Variants in RAP1A observed in about 807,000 individuals in gnomAD.
RAP1A encodes RAP1A, member of RAS oncogene family, also known as ras-related protein Rap-1A.
RAP1A carries 6 observed loss-of-function variants against 26.4 expected under a neutral mutation model. The ratio of observed to expected loss-of-function variants is 0.23; its 90% CI spans 0.12 to 0.45. The LOEUF (loss-of-function observed/expected upper bound fraction) is 0.45, where lower values mean the gene tolerates loss of function less well. Ranked by LOEUF, RAP1A falls within the 20% of genes least tolerant of loss-of-function variation. The pLI is 0.99. For synonymous variants in RAP1A, 73 were observed against 79.4 expected (o/e 0.92, Z 0.43); for missense variants, 121 against 217.2 (o/e 0.56, Z 2.78).
chr1:111,667,241 C>T (rs1308480276), intron 1 of RAP1A, among the ~76,000 whole-genome samples: 7 of 152,098 alleles, frequency 4.6e-5, no homozygotes, highest in Non-Finnish European at 1.5e-5. Context: ...CCCTCCTCTC[C>T]TGTTTCTCCA....
At chr1:111,627,894 G>T (rs1282443389) in intron 1 of RAP1A, among the ~76,000 whole-genome samples, 1 of 151,134 alleles carries the variant, frequency 6.6e-6, no homozygotes, top group African/African-American at 2.4e-5. Flanking sequence ...AATTATTTCA[G>T]ATAGATGAGG....
chr1:111,549,370 T>C (rs2101033526), intron 1 of RAP1A, among the ~76,000 whole-genome samples: 1 of 150,062 alleles, frequency 6.7e-6, no homozygotes, highest in African/African-American at 2.5e-5. Flanking sequence ...ATGGTCGGGC[T>C]GGGCACGGTG....
intron 1 of RAP1A, among the ~76,000 whole-genome samples, chr1:111,590,460 T>C (rs1168395668): frequency 6.6e-6 from 1 of 152,246 alleles, no homozygotes; most frequent in Non-Finnish European, 1.5e-5. Flanking sequence ...TTTCCCTCTG[T>C]AATGATTAGC....
intron 1 of RAP1A, among the ~76,000 whole-genome samples, chr1:111,548,102 C>T (rs995945961): frequency 1.3e-5 from 2 of 152,226 alleles, no homozygotes; most frequent in African/African-American, 2.4e-5. Flanking sequence ...CTCACTGCAA[C>T]CTCCACCTCC....
At chr1:111,671,334 A>G (rs977087576) in intron 1 of RAP1A, among the ~76,000 whole-genome samples, 1 of 152,178 alleles carries the variant, frequency 6.6e-6, no homozygotes, top group Admixed American at 6.5e-5. Flanking sequence ...TTTAGAGTGG[A>G]TTGCCACAAA....
chr1:111,687,394 G>T (rs898355776), intron 1 of RAP1A, among the ~76,000 whole-genome samples: 1 of 151,876 alleles, frequency 6.6e-6, no homozygotes, highest in African/African-American at 2.4e-5. Context: ...TTTTAGTAGA[G>T]ATGGGATTTT....
At chr1:111,559,158 A>C (rs1367073798) in intron 1 of RAP1A, among the ~76,000 whole-genome samples, 1 of 151,294 alleles carries the variant, frequency 6.6e-6, no homozygotes, top group Middle Eastern at 3.2e-3. Context: ...ATACATATCA[A>C]AACTTGTGGG....
At chr1:111,681,412 G>C (rs1283926725) in intron 1 of RAP1A, among the ~76,000 whole-genome samples, 1 of 152,200 alleles carries the variant, frequency 6.6e-6, no homozygotes, top group Non-Finnish European at 1.5e-5. Flanking sequence ...CCAAGCTAAA[G>C]TGCATGTTCT....
At chr1:111,609,743 C>T (rs1658887896) in intron 1 of RAP1A, among the ~76,000 whole-genome samples, 1 of 152,316 alleles carries the variant, frequency 6.6e-6, no homozygotes, top group African/African-American at 2.4e-5. Context: ...TCAAGTGATT[C>T]TCCTGCCTCA....
chr1:111,568,140 A>G (rs2101053705), intron 1 of RAP1A, among the ~76,000 whole-genome samples: 1 of 152,158 alleles, frequency 6.6e-6, no homozygotes, highest in South Asian at 2.1e-4. Flanking sequence ...CCTCTAGGCT[A>G]CTCTTAGGGT....
intron 7 of RAP1A, among the ~76,000 whole-genome samples, 168 bp downstream of exon 7, chr1:111,709,432 C>G (rs959993064): frequency 6.6e-6 from 1 of 152,154 alleles, no homozygotes; most frequent in African/African-American, 2.4e-5. Context: ...CTTGCCCTCT[C>G]CCCTTGAGAT....
intron 1 of RAP1A, among the ~76,000 whole-genome samples, chr1:111,637,491 A>G (rs1659761222): frequency 6.6e-6 from 1 of 152,194 alleles, no homozygotes; most frequent in African/African-American, 2.4e-5. Context: ...TTGCCCCTCA[A>G]GAGCCAATTT....
chr1:111,695,918 G>A (rs1228198330), intron 3 of RAP1A, among the ~76,000 whole-genome samples: 1 of 152,136 alleles, frequency 6.6e-6, no homozygotes, highest in Non-Finnish European at 1.5e-5. Flanking sequence ...GTAAACTGTG[G>A]ACTCTTGGTG....
At chr1:111,607,196 A>G (rs374411018) in intron 1 of RAP1A, among the ~76,000 whole-genome samples, 8,168 of 151,460 alleles carry the variant, frequency 0.054, 249 homozygotes, top group South Asian at 0.085. Context: ...GTCCCTGGGT[A>G]CTTGAGATTA....
intron 1 of RAP1A, among the ~76,000 whole-genome samples, chr1:111,567,059 G>A (rs1000446407): frequency 1.3e-5 from 2 of 152,142 alleles, no homozygotes; most frequent in African/African-American, 4.8e-5. Flanking sequence ...TGTATCAGCT[G>A]ATGGGTTATG....
chr1:111,551,262 C>CG (rs1248402826), intron 1 of RAP1A, among the ~76,000 whole-genome samples: 1 of 152,096 alleles, frequency 6.6e-6, no homozygotes, highest in African/African-American at 2.4e-5. Context: ...AAAGGGCTTA[C>CG]GTGTGCCATT....
intron 1 of RAP1A, among the ~76,000 whole-genome samples, chr1:111,565,268 G>T (rs551164304): frequency 1.3e-5 from 2 of 152,196 alleles, no homozygotes; most frequent in African/African-American, 2.4e-5. Flanking sequence ...ACCTGATTTT[G>T]TAATGCCTCA....
At chr1:111,705,224 C>T (rs1389524195) in intron 6 of RAP1A, among the ~76,000 whole-genome samples, 2 of 152,098 alleles carry the variant, frequency 1.3e-5, no homozygotes, top group African/African-American at 2.4e-5. Context: ...TAACATAAGC[C>T]TTTTAAAAAA....
intron 1 of RAP1A, among the ~76,000 whole-genome samples, chr1:111,668,023 C>T (rs556986432): frequency 6.6e-6 from 1 of 152,306 alleles, no homozygotes; most frequent in African/African-American, 2.4e-5. Context: ...CCTGCCAACT[C>T]CGAGGAAACT....
Sources: allele counts gnomAD v4.1 joint callset (sites outside exome capture counted in the v4.1 genomes callset), GRCh38; gene constraint gnomAD v4.1.1; transcripts MANE v1.5; gene names NCBI Gene and HGNC (gene_info 2026-07-23, HGNC 2026-07-21).